The following LTBP1 variants were observed in gnomAD, a reference collection of about 807,000 sequenced individuals.
LTBP1 encodes the protein latent-transforming growth factor beta-binding protein 1.
A neutral mutation model predicts 207.6 loss-of-function variants in LTBP1; 129 were observed. The ratio of observed to expected loss-of-function variants is 0.62; its 90% CI spans 0.54 to 0.72. The LOEUF (loss-of-function observed/expected upper bound fraction) is 0.72. LTBP1 is among the 30% of genes least tolerant of loss of function. LTBP1 has a pLI of 0.00. For synonymous variants in LTBP1, 963 were observed against 833.7 expected (o/e 1.16, Z -2.67); for missense variants, 2,281 against 2,217.2 (o/e 1.03, Z -0.58).
intron 2 of LTBP1, among the ~76,000 whole-genome samples, chr2:32,959,931 A>C (rs898960196): frequency 6.6e-6 from 1 of 151,806 alleles, no homozygotes; most frequent in African/African-American, 2.4e-5. Context: ...TATTATTGCT[A>C]TTTTTAATTA....
intron 26 of LTBP1, among the ~76,000 whole-genome samples, chr2:33,360,363 G>A (rs2094913641): frequency 6.6e-6 from 1 of 152,152 alleles, no homozygotes; most frequent in African/African-American, 2.4e-5. Context: ...CACGTAAAAG[G>A]AAATGGTTTT....
chr2:33,271,290 C>A (rs542768308), intron 15 of LTBP1, among the ~76,000 whole-genome samples: 1 of 139,650 alleles, frequency 7.2e-6, no homozygotes, highest in Admixed American at 7.0e-5. Context: ...TATATTAATT[C>A]ACCTTCTAAT....
chr2:33,198,012 A>G (rs1422566607), intron 7 of LTBP1, among the ~76,000 whole-genome samples: 2 of 152,228 alleles, frequency 1.3e-5, no homozygotes, highest in African/African-American at 4.8e-5. Flanking sequence ...TTTATACAGC[A>G]TATGTTTTAA....
At chr2:33,221,478 T>A (rs925448802) in intron 8 of LTBP1, among the ~76,000 whole-genome samples, 2 of 152,158 alleles carry the variant, frequency 1.3e-5, no homozygotes, top group Non-Finnish European at 2.9e-5. Flanking sequence ...GATTGCAACA[T>A]TTGTATTGTT....
In LTBP1 at chr2:33,167,853, C is replaced by A. The variant is rs573004052; in HGVS notation, c.1202-19003C>A. On this transcript the variant is annotated intron_variant, in intron 5 of 33. Coordinates refer to ENST00000404816, the MANE Select transcript of LTBP1 (RefSeq NM_206943.4). ...AACTAGATCAAGGAGAGCCCTTCTG[C>A]CATGATTAGGTTTAGATTTCTTCCA... Among the ~76,000 whole-genome samples, 6 of 152,258 alleles carry A rather than the reference C, an allele frequency of 3.9e-5. No homozygotes were observed. The East Asian group carries it at 1.2e-3, about 29-fold the overall frequency.
At chr2:33,266,113 C>G (rs959242412) in intron 15 of LTBP1, among the ~76,000 whole-genome samples, 1 of 152,226 alleles carries the variant, frequency 6.6e-6, no homozygotes, top group Non-Finnish European at 1.5e-5. Flanking sequence ...TCAGAAGTGC[C>G]TGCTGTCACT....
At chr2:33,035,085 T>G (rs987112998) in intron 3 of LTBP1, among the ~76,000 whole-genome samples, 10 of 152,222 alleles carry the variant, frequency 6.6e-5, no homozygotes, top group African/African-American at 2.4e-4. Flanking sequence ...AGCCGACCCT[T>G]GGTTCCCCTT....
chr2:33,054,453 T>C (rs1222932240), intron 3 of LTBP1, among the ~76,000 whole-genome samples: 1 of 152,178 alleles, frequency 6.6e-6, no homozygotes, highest in Non-Finnish European at 1.5e-5. Context: ...TCAGGGTTGA[T>C]TCCCTCCTCA....
chr2:33,042,779 C>T (rs930450462), intron 3 of LTBP1, among the ~76,000 whole-genome samples: 13 of 152,056 alleles, frequency 8.5e-5, no homozygotes, highest in African/African-American at 2.9e-4. Context: ...TTACAATAGG[C>T]GGCAATTTTT....
chr2:32,985,112 G>A (rs559023497), intron 2 of LTBP1, among the ~76,000 whole-genome samples: 42 of 152,224 alleles, frequency 2.8e-4, no homozygotes, highest in African/African-American at 9.1e-4. Flanking sequence ...AACTAGGATC[G>A]ATATAACTAC....
In LTBP1 at chr2:33,153,344, A is replaced by G. The variant is rs569055412; in HGVS notation, c.1201+18384A>G. Among the ~76,000 whole-genome samples the G allele has an allele frequency of 3.9e-5, 6 of 152,358 alleles. No individual in the cohort carries two copies. In the Middle Eastern group the frequency reaches 0.014, roughly 345 times the overall value. On this transcript the variant is annotated intron_variant, in intron 5 of 33. Coordinates refer to ENST00000404816, the MANE Select transcript of LTBP1 (RefSeq NM_206943.4). ...GGTTTATAAAATCAAAGTTCTTAGA[A>G]GAGTTTGGCTAGAAACAGAATGACT...
intron 7 of LTBP1, among the ~76,000 whole-genome samples, chr2:33,213,038 T>C (rs1176765303): frequency 6.6e-6 from 1 of 152,148 alleles, no homozygotes; most frequent in East Asian, 1.9e-4. Context: ...CCGTTCCGCC[T>C]TTCCTCAGTT....
At chr2:33,244,260 A>T (rs2092433973) in intron 10 of LTBP1, among the ~76,000 whole-genome samples, 1 of 152,198 alleles carries the variant, frequency 6.6e-6, no homozygotes, top group African/African-American at 2.4e-5. Flanking sequence ...CAATTGTAAG[A>T]GTCTGGAAAA....
chr2:33,280,294 A>G (rs1218475420), intron 19 of LTBP1, 136 bp downstream of exon 19: 6 of 877,522 alleles, frequency 6.8e-6, no homozygotes, highest in African/African-American at 5.2e-5. Flanking sequence ...AAAAGTTCCC[A>G]GTAACTTTTA....
At chr2:33,076,541 CT>C (rs1039003957) in intron 3 of LTBP1, among the ~76,000 whole-genome samples, 149 of 144,788 alleles carry the variant, frequency 1.0e-3, no homozygotes, top group Admixed American at 9.7e-4. Context: ...ATTTCCCATC[CT>C]TTTTTTTTTT....
intron 2 of LTBP1, among the ~76,000 whole-genome samples, chr2:33,010,106 G>C (rs1336396816): frequency 6.6e-6 from 1 of 152,168 alleles, no homozygotes; most frequent in Non-Finnish European, 1.5e-5. Flanking sequence ...CAGCAGCCAT[G>C]GGGGGACATG....
chr2:33,057,790 G>T (rs1401233200), intron 3 of LTBP1, among the ~76,000 whole-genome samples: 1 of 152,216 alleles, frequency 6.6e-6, no homozygotes, highest in Admixed American at 6.5e-5. Flanking sequence ...TGCAGCCCCA[G>T]TTCCCGCCCA....
chr2:32,977,538 G>A (rs1682001303), intron 2 of LTBP1, among the ~76,000 whole-genome samples: 1 of 152,176 alleles, frequency 6.6e-6, no homozygotes, highest in Non-Finnish European at 1.5e-5. Context: ...TTTTTCTGGG[G>A]TCCAAGGCTT....
At chr2:33,172,836 C>T (rs1436838655) in intron 5 of LTBP1, among the ~76,000 whole-genome samples, 2 of 152,104 alleles carry the variant, frequency 1.3e-5, no homozygotes, top group Non-Finnish European at 2.9e-5. Context: ...AACTAGAACT[C>T]AGGATTAAGA....
Sources: allele counts gnomAD v4.1 joint callset (sites outside exome capture counted in the v4.1 genomes callset), GRCh38; gene constraint gnomAD v4.1.1; transcripts MANE v1.5; gene names NCBI Gene and HGNC (gene_info 2026-07-23, HGNC 2026-07-21).